Variants in COLGALT1 observed in about 807,000 individuals in gnomAD.
COLGALT1 encodes the protein procollagen galactosyltransferase 1.
In COLGALT1, 43 loss-of-function variants were observed where a neutral mutation model predicts 60.8. The observed-to-expected ratio is 0.71, with a 90% CI of 0.55 to 0.91. COLGALT1 has a LOEUF of 0.91. Ranked by LOEUF, COLGALT1 falls within the 40% of genes least tolerant of loss-of-function variation. The probability of loss-of-function intolerance (pLI) is 0.00; values close to 1 mark genes in which losing one functional copy is unlikely to be tolerated. For synonymous variants in COLGALT1, 369 were observed against 374.2 expected (o/e 0.99, Z 0.16); for missense variants, 845 against 880.0 (o/e 0.96, Z 0.50).
chr19:17,574,301 A>C (rs1599790653), intron 6 of COLGALT1, among the ~76,000 whole-genome samples: 1 of 150,470 alleles, frequency 6.6e-6, no homozygotes, highest in African/African-American at 2.4e-5. Flanking sequence ...TCAAGATGGA[A>C]TAGCACCCTG....
At position 17,579,411 on chromosome 19, in the gene COLGALT1, G is replaced by A. The variant is rs1001216217; in HGVS notation, c.1267-71G>A. 1.9e-6 allele frequency: 3 copies of A among 1,602,266 alleles called. No homozygotes were observed. In the African/African-American group the frequency reaches 4.0e-5, roughly 21 times the overall value. On this transcript the variant is annotated intron_variant, in intron 9 of 11. Coordinates refer to ENST00000252599, the MANE Select transcript of COLGALT1 (RefSeq NM_024656.4). ...TACGGGTCTTTCAAACCTTCTCAAA[G>A]CAAAGCTCTGTGCTTTAGGGTCAGG...
At chr19:17,558,190 C>T (rs1218019682) in intron 1 of COLGALT1, among the ~76,000 whole-genome samples, 3 of 151,806 alleles carry the variant, frequency 2.0e-5, no homozygotes, top group African/African-American at 7.2e-5. Context: ...TCACCCGCCT[C>T]GGCCTCCCAA....
At chr19:17,560,568 A>G in intron 3 of COLGALT1, 103 bp downstream of exon 3, 1 of 932,722 alleles carries the variant, frequency 1.1e-6, no homozygotes, top group Non-Finnish European at 1.7e-6. Flanking sequence ...GTTGTTTTGC[A>G]GAAGGGTAAA....
intron 5 of COLGALT1, chr19:17,571,765 A>G (rs2076314062): frequency 6.6e-6 from 1 of 152,266 alleles, no homozygotes; most frequent in Non-Finnish European, 1.5e-5. Flanking sequence ...CCAGAAAAGG[A>G]TAGATGTAGA....
intron 1 of COLGALT1, chr19:17,556,619 A>G: frequency 1.2e-6 from 1 of 819,352 alleles, no homozygotes; most frequent in East Asian, 1.2e-4. Context: ...GTTTTCTCAA[A>G]TGGAAAATGG....
In COLGALT1 at chr19:17,568,595, C is replaced by T. The variant is rs2076293687; in HGVS notation, c.711C>T (p.Thr237=). The T allele has an allele frequency of 1.2e-6, 2 of 1,614,120 alleles. No homozygotes were observed. The highest frequency in any genetic ancestry group is 2.2e-5 in the South Asian group (2 of 91,090). ...TTGCAGTTCCCATGGTGCACTCGAC[C>T]TTCCTGATCGACCTGCGGAAGGCGG... ...GCFAVPMVHS[T]FLIDLRKAAS... Residue 237 remains threonine, a synonymous_variant, in exon 5 of 12, where the codon ACC becomes ACT. Transcript: ENST00000252599.
At chr19:17,561,656 A>AC (rs2076250510) in intron 3 of COLGALT1, among the ~76,000 whole-genome samples, 10 of 132,556 alleles carry the variant, frequency 7.5e-5, no homozygotes, top group African/African-American at 2.8e-4. Flanking sequence ...AAAAAAAAAA[A>AC]CAGACTTATA....
intron 3 of COLGALT1, 57 bp downstream of exon 3, chr19:17,560,522 A>G (rs1254396860): frequency 7.2e-7 from 1 of 1,395,126 alleles, no homozygotes; most frequent in Non-Finnish European, 1.0e-6. Flanking sequence ...ATCCCCAGGG[A>G]AGGCGGAGCA....
chr19:17,577,833 G>T lies in COLGALT1; in HGVS notation c.1134-124G>T. ...GAGTGAGGCCCCATGTGCCCGGAAG[G>T]GGTGCCAGTGCTACAAGAGGTGGAC... On this transcript the variant is annotated intron_variant, in intron 8 of 11. Transcript: ENST00000252599. 9 of 1,308,832 alleles carry T rather than the reference G, an allele frequency of 6.9e-6. No individual in the cohort carries two copies. The South Asian group carries it at 7.0e-5, about 10-fold the overall frequency. 81.1% of individuals were successfully genotyped at this position (1,308,832 alleles called of 1,614,324 possible). A position where few individuals can be genotyped will look rare whatever the true frequency, so the allele number is the denominator to read the frequency against.
intron 1 of COLGALT1, among the ~76,000 whole-genome samples, chr19:17,559,033 C>T (rs1034673853): frequency 9.2e-5 from 14 of 151,962 alleles, no homozygotes; most frequent in Non-Finnish European, 1.6e-4. Context: ...TGGTGGCGGG[C>T]GCCTGTAGTC....
intron 8 of COLGALT1, 152 bp downstream of exon 8, chr19:17,577,619 T>G: frequency 1.4e-6 from 1 of 726,708 alleles, no homozygotes. Flanking sequence ...GGGAAGTGAA[T>G]GGGACCCTGG....
At chr19:17,574,624 C>G (rs1231198798) in intron 6 of COLGALT1, among the ~76,000 whole-genome samples, 2 of 152,110 alleles carry the variant, frequency 1.3e-5, no homozygotes, top group Non-Finnish European at 1.5e-5. Flanking sequence ...GTCACTGCGC[C>G]TGGCCTGGGG....
intron 3 of COLGALT1, among the ~76,000 whole-genome samples, chr19:17,561,961 C>T (rs1303673725): frequency 6.6e-6 from 1 of 152,154 alleles, no homozygotes; most frequent in Non-Finnish European, 1.5e-5. Context: ...GCCTCCTCCT[C>T]CTGGGTTCAA....
chr19:17,556,864 G>C (rs546849104), intron 1 of COLGALT1, among the ~76,000 whole-genome samples: 42 of 152,302 alleles, frequency 2.8e-4, no homozygotes, highest in African/African-American at 9.9e-4. Context: ...AGTGACCTAT[G>C]ATTGCACCAC....
intron 2 of COLGALT1, 102 bp from the exon 3 acceptor site, chr19:17,560,246 C>T (rs2076240253): frequency 2.4e-6 from 2 of 819,614 alleles, no homozygotes; most frequent in South Asian, 1.5e-5. Context: ...TACACGTCCC[C>T]TCCTCCAGGA....
At chr19:17,574,037 G>A (rs1350682808) in intron 6 of COLGALT1, among the ~76,000 whole-genome samples, 4 of 151,888 alleles carry the variant, frequency 2.6e-5, no homozygotes, top group East Asian at 3.9e-4. Context: ...ACCAGCAGCC[G>A]TCCCTCTAAA....
At chr19:17,560,325 A>G (rs747565616) in intron 2 of COLGALT1, 23 bp from the exon 3 acceptor site, 3 of 1,600,540 alleles carry the variant, frequency 1.9e-6, no homozygotes, top group South Asian at 1.1e-5. Flanking sequence ...TGTGATGTCC[A>G]CATCACAGCT....
chr19:17,569,889 T>G (rs1189442750), intron 5 of COLGALT1, among the ~76,000 whole-genome samples: 1 of 117,720 alleles, frequency 8.5e-6, no homozygotes, highest in African/African-American at 3.6e-5. Context: ...GCCCACTAAT[T>G]ACTTTTTTTT....
In COLGALT1 at chr19:17,581,129, G is replaced by A. The variant is rs73524018; in HGVS notation, c.1602-48G>A. On this transcript the variant is annotated intron_variant, in intron 11 of 11. Transcript: ENST00000252599. ...CCCCAATTTTTCCTCCAGCTGTCCC[G>A]TCCCCTGAAGCCATTGCTGCCCCTC... The A allele has an allele frequency of 8.2e-5, 130 of 1,582,510 alleles. No homozygotes were observed. In the East Asian group the frequency reaches 1.7e-3, roughly 20 times the overall value.
Sources: gnomAD v4.1 joint callset for allele counts (sites outside exome capture counted in the v4.1 genomes callset) on GRCh38, gnomAD v4.1.1 for gene constraint, MANE v1.5 for transcripts, NCBI Gene and HGNC (gene_info 2026-07-23, HGNC 2026-07-21) for gene names.